RAB8B: variants seen among roughly 807,000 people sequenced by gnomAD.
RAB8B encodes ras-related protein Rab-8B.
Under a neutral mutation model 32.0 loss-of-function variants are expected in RAB8B, and 11 were observed. The observed-to-expected ratio is 0.34, with a 90% CI of 0.22 to 0.57. The LOEUF is 0.57. Among genes scored for constraint, RAB8B ranks in the 20% least tolerant of loss-of-function variants. The probability of loss-of-function intolerance (pLI) is 0.86; values close to 1 mark genes in which losing one functional copy is unlikely to be tolerated. For missense variants in RAB8B, 190 were observed against 258.5 expected (o/e 0.73, Z 1.82); for synonymous variants, 103 against 89.6 (o/e 1.15, Z -0.85).
rs557652442 is a variant in RAB8B at position 63,203,201 on chromosome 15, T to G, written c.124+13453T>G. ...AAAGGAAATGTTGTCCTAGATACAC[T>G]GTAAAGTCTCTGTCCAAACTCTGAT... On this transcript the variant is annotated intron_variant, in intron 1 of 7. Coordinates refer to ENST00000321437, the MANE Select transcript of RAB8B (RefSeq NM_016530.3). 3.3e-5 allele frequency among the ~76,000 whole-genome samples: 5 copies of G among 152,362 alleles called. No individual in the cohort carries two copies. In the East Asian group the frequency reaches 9.6e-4, roughly 29 times the overall value.
rs1567022748 is a variant in RAB8B at position 63,263,571 on chromosome 15, A to G, written c.576A>G (p.Thr192=). 2 of 1,613,272 alleles carry G rather than the reference A, an allele frequency of 1.2e-6. No individual in the cohort carries two copies. The highest frequency in any genetic ancestry group is 1.7e-6 in the Non-Finnish European group (2 of 1,179,152). Residue 192 remains threonine, a synonymous_variant, in exon 8 of 8, where the codon ACA becomes ACG. Transcript: ENST00000321437. ...SAGAGGPVKI[T]ENRSKKTSFF... is the part of the protein sequence containing the mutation. ...GAGCAGGTGGACCAGTGAAAATAAC[A>G]GAAAACCGATCAAAGAAGACCAGTT... is the stretch of plus-strand genomic sequence containing the variant.
In RAB8B at chr15:63,259,276, C is replaced by T. The variant is rs976205829; in HGVS notation, c.415-351C>T. Among the ~76,000 whole-genome samples, 18 of 152,028 alleles carry T rather than the reference C, an allele frequency of 1.2e-4. No homozygotes were observed. Among genetic ancestry groups the T allele is most frequent in the African/African-American group, 3.1e-4 (13 of 41,486 alleles). ...CTGGGACTACAGGCGGGTGCCACCA[C>T]GCCCGGCTAATTTTTTGTATTTTTA... On this transcript the variant is annotated intron_variant, in intron 5 of 7. Coordinates refer to ENST00000321437, the MANE Select transcript of RAB8B (RefSeq NM_016530.3). The surrounding 1 kb of genome is among the most constrained non-coding windows in gnomAD (Gnocchi z 4.4).
intron 3 of RAB8B, among the ~76,000 whole-genome samples, chr15:63,250,328 A>C (rs1183832609): frequency 6.6e-6 from 1 of 152,070 alleles, no homozygotes; most frequent in Non-Finnish European, 1.5e-5. Context: ...CACAAGCCCT[A>C]TGACTAAGTA....
intron 3 of RAB8B, among the ~76,000 whole-genome samples, chr15:63,254,813 G>A (rs1260305148): frequency 5.3e-5 from 8 of 152,178 alleles, no homozygotes; most frequent in Non-Finnish European, 2.9e-5. Context: ...TCGGGAGGCT[G>A]AGGCAGGAGA....
In RAB8B at chr15:63,264,786, A is replaced by T. The variant is rs926022622; in HGVS notation, c.*1167A>T. On this transcript the variant is annotated 3_prime_UTR_variant, in exon 8 of 8. Transcript: ENST00000321437. ...TAGACCTAGTGCAGCCTCTAGGAAA[A>T]GTCTTGCCTTTTCATTAGAGAAAAC... 1.3e-4 allele frequency: 20 copies of T among 152,286 alleles called. No homozygotes were observed. Among genetic ancestry groups the T allele is most frequent in the Admixed American group, 8.5e-4 (13 of 15,284 alleles). The allele number at this position is 152,286 out of a possible 1,614,324, so 9.4% of individuals were successfully genotyped here. A position where few individuals can be genotyped will look rare whatever the true frequency, so the allele number is the denominator to read the frequency against.
intron 1 of RAB8B, among the ~76,000 whole-genome samples, chr15:63,190,341 G>A (rs2037545625): frequency 6.6e-6 from 1 of 152,060 alleles, no homozygotes; most frequent in African/African-American, 2.4e-5. Flanking sequence ...TGTCGTAGGA[G>A]GGGACAGAAG....
At chr15:63,262,383 A>G (rs769079635) in intron 6 of RAB8B, among the ~76,000 whole-genome samples, 1 of 152,204 alleles carries the variant, frequency 6.6e-6, no homozygotes, top group Non-Finnish European at 1.5e-5. Flanking sequence ...GAGTAAACAC[A>G]TGCATACTAT....
intron 2 of RAB8B, among the ~76,000 whole-genome samples, 169 bp downstream of exon 2, chr15:63,244,985 C>T (rs1427669228): frequency 6.6e-6 from 1 of 152,168 alleles, no homozygotes; most frequent in Admixed American, 6.5e-5. Context: ...GTATCTTCAC[C>T]AAGAGTTGGG....
At chr15:63,258,590 A>G (rs2038176990) in intron 5 of RAB8B, among the ~76,000 whole-genome samples, 1 of 152,152 alleles carries the variant, frequency 6.6e-6, no homozygotes, top group Non-Finnish European at 1.5e-5. Flanking sequence ...TGAAGCCAAA[A>G]CCACAAATTT....
chr15:63,246,314 A>C (rs1417100683), intron 2 of RAB8B, among the ~76,000 whole-genome samples: 1 of 151,988 alleles, frequency 6.6e-6, no homozygotes, highest in Non-Finnish European at 1.5e-5. Context: ...TAGATTTTGG[A>C]TTTTCAGATT....
intron 1 of RAB8B, among the ~76,000 whole-genome samples, chr15:63,236,191 G>A (rs1458755495): frequency 6.6e-6 from 1 of 152,070 alleles, no homozygotes; most frequent in Non-Finnish European, 1.5e-5. Context: ...GCCTCCTTAT[G>A]TTATAAGCAA....
At chr15:63,224,718 C>T (rs1216352514) in intron 1 of RAB8B, among the ~76,000 whole-genome samples, 1 of 152,148 alleles carries the variant, frequency 6.6e-6, no homozygotes. Flanking sequence ...CAAGAATGGA[C>T]CAATTTTCCT....
intron 1 of RAB8B, among the ~76,000 whole-genome samples, chr15:63,199,947 C>G (rs1257431730): frequency 6.6e-6 from 1 of 152,020 alleles, no homozygotes; most frequent in Non-Finnish European, 1.5e-5. Flanking sequence ...TATGATTTAC[C>G]GTTTTTTGTT....
chr15:63,195,793 G>C (rs908894186), intron 1 of RAB8B, among the ~76,000 whole-genome samples: 12 of 152,210 alleles, frequency 7.9e-5, no homozygotes, highest in African/African-American at 2.7e-4. Flanking sequence ...AAGAGGGTTG[G>C]GGGTGAGGAT....
rs547392488 is a variant in RAB8B at position 63,189,614 on chromosome 15, G to C, written c.-11G>C. ...CCTCTGGCTCCCCGGTCAGAGGGCCGGAGCGAGAAGATGGCGAAGACGTAC... is the reference window on the plus strand; with the variant it reads ...CCTCTGGCTCCCCGGTCAGAGGGCCCGAGCGAGAAGATGGCGAAGACGTAC... On this transcript the variant is annotated 5_prime_UTR_variant, in exon 1 of 8. Coordinates refer to ENST00000321437, the MANE Select transcript of RAB8B (RefSeq NM_016530.3). 4.3e-6 allele frequency: 7 copies of C among 1,613,246 alleles called. No individual in the cohort carries two copies. The African/African-American group carries it at 5.3e-5, about 12-fold the overall frequency.
chr15:63,203,769 C>A (rs1022795176), intron 1 of RAB8B, among the ~76,000 whole-genome samples: 63 of 152,318 alleles, frequency 4.1e-4, no homozygotes, highest in African/African-American at 1.5e-3. Flanking sequence ...AATAACCTTT[C>A]AAGGTCATAT....
intron 1 of RAB8B, among the ~76,000 whole-genome samples, chr15:63,241,840 T>C (rs971292264): frequency 2.0e-5 from 3 of 152,086 alleles, no homozygotes; most frequent in Admixed American, 2.0e-4. Flanking sequence ...AAAACGTAAA[T>C]CACAATAAAA....
At position 63,248,198 on chromosome 15, in the gene RAB8B, C is replaced by T. The variant is rs922861334; in HGVS notation, c.186-1447C>T. Among the ~76,000 whole-genome samples the T allele has an allele frequency of 6.6e-6, 1 of 152,136 alleles. No homozygotes were observed. Among genetic ancestry groups the T allele is most frequent in the Non-Finnish European group, 1.5e-5 (1 of 68,034 alleles). ...TGGCCCAGAGCTGAACAGCTGAGAC[C>T]TAAGATGCTTGTCTCCTTCAAGAGT... is the stretch of plus-strand genomic sequence containing the variant. On this transcript the variant is annotated intron_variant, in intron 2 of 7. Coordinates refer to ENST00000321437, the MANE Select transcript of RAB8B (RefSeq NM_016530.3). The surrounding 1 kb of genome is among the most constrained non-coding windows in gnomAD (Gnocchi z 4.4).
intron 4 of RAB8B, 61 bp from the exon 5 acceptor site, chr15:63,256,444 G>C: frequency 8.3e-7 from 1 of 1,204,826 alleles, no homozygotes; most frequent in Non-Finnish European, 1.2e-6. Context: ...GGTTGGATTT[G>C]TCTATTAAGT....
Sources: allele counts gnomAD v4.1 joint callset (sites outside exome capture counted in the v4.1 genomes callset), GRCh38; gene constraint gnomAD v4.1.1; non-coding constraint Gnocchi (gnomAD v3.1); transcripts MANE v1.5; gene names NCBI Gene and HGNC (gene_info 2026-07-23, HGNC 2026-07-21).